Variants in DICER1 observed in about 807,000 individuals in gnomAD.
The protein encoded by DICER1 is dicer 1, ribonuclease III, also known as endoribonuclease Dicer.
A neutral mutation model predicts 194.1 loss-of-function variants in DICER1; 43 were observed. The observed-to-expected ratio is 0.22, with a 90% CI of 0.17 to 0.29. The LOEUF is 0.29. Ranked by LOEUF, DICER1 falls within the 10% of genes least tolerant of loss-of-function variation. The pLI is 1.00. For missense variants in DICER1, 1,608 were observed against 2,317.0 expected (o/e 0.69, Z 6.28); for synonymous variants, 832 against 820.5 (o/e 1.01, Z -0.24).
chr14:95,095,464 A>T, intron 23 of DICER1: 1 of 299,416 alleles, frequency 3.3e-6, no homozygotes, highest in East Asian at 8.0e-5. Flanking sequence ...TCCAGAATAT[A>T]CAACTAAATC....
At chr14:95,127,373 A>C (rs1893564543) in intron 6 of DICER1, among the ~76,000 whole-genome samples, 1 of 152,248 alleles carries the variant, frequency 6.6e-6, no homozygotes, top group African/African-American at 2.4e-5. Flanking sequence ...GTTTATCTGC[A>C]CAGGTTGAGT....
At position 95,130,282 on chromosome 14, in the gene DICER1, A is replaced by C. The variant is rs117349874; in HGVS notation, c.439-90T>G. The stretch of plus-strand genomic sequence containing the variant: ...TCAGATCATAGAGCCATTGTATCAT[A>C]AGTGAGGATTAAGGAATTCATTAGT... On this transcript the variant is annotated intron_variant, in intron 4 of 26. Transcript: ENST00000343455. 5.2e-3 allele frequency: 6,692 copies of C among 1,290,196 alleles called. 15 individuals are homozygous for C. Among genetic ancestry groups the C allele is most frequent in the Middle Eastern group, 6.6e-3 (28 of 4,212 alleles). 79.9% of individuals were successfully genotyped at this position (1,290,196 alleles called of 1,614,324 possible).
chr14:95,124,369 A>G lies in DICER1; in HGVS notation c.1203T>C (p.Tyr401=). The stretch of plus-strand genomic sequence containing the variant: ...CATAATTATCCTGATTTCTATTATT[A>G]TACCACTCAACGCTTTCAAACTGCT... ...ERQQFESVEW[Y]NNRNQDNYVS... Residue 401 remains tyrosine (Y), a synonymous_variant, in exon 8 of 27, where the codon TAT becomes TAC. Coordinates refer to ENST00000343455, the MANE Select transcript of DICER1 (RefSeq NM_177438.3). The surrounding 1 kb of genome is among the most constrained non-coding windows in gnomAD (Gnocchi z 4.5). The G allele has an allele frequency of 6.2e-7, 1 of 1,614,174 alleles. No homozygotes were observed. Among genetic ancestry groups the G allele is most frequent in the Non-Finnish European group, 8.5e-7 (1 of 1,179,990 alleles).
chr14:95,091,911 G>A (rs967104957), intron 24 of DICER1, among the ~76,000 whole-genome samples: 4 of 152,198 alleles, frequency 2.6e-5, no homozygotes, highest in Non-Finnish European at 4.4e-5. Context: ...CACTATAACC[G>A]AGTATCTGAC....
Position 95,087,560 on chromosome 14 carries a change from A to G in DICER1, c.*2938T>C, listed in dbSNP as rs1368892153. ...CACATTTTTTTCCTCTCTGTTAAGCATATTTTCTTGAAATGAGGTAAAGCA... is the reference window on the plus strand; with the variant it reads ...CACATTTTTTTCCTCTCTGTTAAGCGTATTTTCTTGAAATGAGGTAAAGCA... On this transcript the variant is annotated 3_prime_UTR_variant, in exon 27 of 27. Coordinates refer to ENST00000343455, the MANE Select transcript of DICER1 (RefSeq NM_177438.3). 1.7e-5 allele frequency: 4 copies of G among 233,100 alleles called. No individual in the cohort carries two copies. Among genetic ancestry groups the G allele is most frequent in the Non-Finnish European group, 3.4e-5 (4 of 118,042 alleles). The allele number at this position is 233,100 out of a possible 1,614,324, so 14.4% of individuals were successfully genotyped here.
chr14:95,136,318 T>A (rs1894367803), intron 1 of DICER1, among the ~76,000 whole-genome samples: 1 of 152,214 alleles, frequency 6.6e-6, no homozygotes, highest in Non-Finnish European at 1.5e-5. Flanking sequence ...GTAATAGCCA[T>A]GCTCAACTCA....
At chr14:95,114,573 G>T (rs920403584) in intron 11 of DICER1, among the ~76,000 whole-genome samples, 2 of 152,140 alleles carry the variant, frequency 1.3e-5, no homozygotes. Context: ...AAATATCAAA[G>T]AATGCTTACA....
chr14:95,092,239 A>G (rs993208360), intron 24 of DICER1, among the ~76,000 whole-genome samples: 115 of 152,344 alleles, frequency 7.5e-4, no homozygotes, highest in African/African-American at 2.7e-3. Context: ...AGTATCCTAT[A>G]CATAACAGAA....
At chr14:95,128,301 ATCAGTT>A (rs1400810766) in intron 6 of DICER1, among the ~76,000 whole-genome samples, 1 of 152,218 alleles carries the variant, frequency 6.6e-6, no homozygotes, top group East Asian at 1.9e-4. Context: ...CAGATTGCTT[ATCAGTT>A]TTACTTAAAC....
At chr14:95,091,570 G>C (rs980004073) in intron 24 of DICER1, 3 of 561,660 alleles carry the variant, frequency 5.3e-6, no homozygotes, top group Non-Finnish European at 9.3e-6. Flanking sequence ...AAGAAAAAAA[G>C]AAAAAATATC....
At chr14:95,126,475 T>C (rs1893467995) in intron 7 of DICER1, 105 bp downstream of exon 7, 2 of 758,040 alleles carry the variant, frequency 2.6e-6, no homozygotes, top group Non-Finnish European at 4.3e-6. Context: ...GACCTTAAAC[T>C]AAAATGCAAA....
chr14:95,145,835 T>C (rs1335991755), intron 1 of DICER1, among the ~76,000 whole-genome samples: 1 of 152,186 alleles, frequency 6.6e-6, no homozygotes, highest in Non-Finnish European at 1.5e-5. Context: ...GAACTTTACA[T>C]TTCTGTCATT....
At chr14:95,094,544 C>CG (rs1364947966) in intron 23 of DICER1, among the ~76,000 whole-genome samples, 1 of 152,138 alleles carries the variant, frequency 6.6e-6, no homozygotes, top group Non-Finnish European at 1.5e-5. Context: ...AAACCAGGGC[C>CG]GCACACACCT....
At chr14:95,143,222 G>C (rs537438573) in intron 1 of DICER1, among the ~76,000 whole-genome samples, 23 of 152,278 alleles carry the variant, frequency 1.5e-4, no homozygotes, top group Admixed American at 7.2e-4. Flanking sequence ...TGAGATACAA[G>C]GCATTATTTT....
intron 6 of DICER1, among the ~76,000 whole-genome samples, chr14:95,127,890 G>A (rs1388152733): frequency 1.3e-5 from 2 of 152,212 alleles, no homozygotes; most frequent in South Asian, 2.1e-4. Flanking sequence ...GAACAAGGGT[G>A]TTCAAAATAC....
intron 1 of DICER1, among the ~76,000 whole-genome samples, chr14:95,153,091 C>G (rs1283378708): frequency 2.0e-5 from 3 of 152,078 alleles, no homozygotes; most frequent in Non-Finnish European, 4.4e-5. Flanking sequence ...GTGGCGGGCA[C>G]CTGTAGTCCC....
rs1889670819 is a variant in DICER1, at chr14:95,090,258, A to T, written c.*240T>A. The T allele has an allele frequency of 3.6e-6, 2 of 554,264 alleles. No homozygotes were observed. The highest frequency in any genetic ancestry group is 6.4e-6 in the Non-Finnish European group (2 of 311,558). The allele number at this position is 554,264 out of a possible 1,614,324, so 34.3% of individuals were successfully genotyped here. Reference sequence around the variant, plus strand: ...CACTCTTGTGATTTAAACAAAGCAGAAGTGAGGAAAGAAGATAAGATTGTG... The same window carrying T: ...CACTCTTGTGATTTAAACAAAGCAGTAGTGAGGAAAGAAGATAAGATTGTG... On this transcript the variant is annotated 3_prime_UTR_variant, in exon 27 of 27. Coordinates refer to ENST00000343455, the MANE Select transcript of DICER1 (RefSeq NM_177438.3).
intron 24 of DICER1, among the ~76,000 whole-genome samples, chr14:95,092,120 T>G (rs1443232424): frequency 6.6e-6 from 1 of 152,172 alleles, no homozygotes; most frequent in African/African-American, 2.4e-5. Context: ...AAGAAGCGTT[T>G]AAATCAATCA....
At position 95,091,448 on chromosome 14, in the gene DICER1, T is replaced by C. The variant is rs191304237; in HGVS notation, c.5365-83A>G. 5.6e-3 allele frequency: 7,439 copies of C among 1,325,988 alleles called. 472 individuals are homozygous for C. In the Admixed American group the frequency reaches 0.12, roughly 21 times the overall value. 82.1% of individuals were successfully genotyped at this position (1,325,988 alleles called of 1,614,324 possible). A position where few individuals can be genotyped will look rare whatever the true frequency, so the allele number is the denominator to read the frequency against. On this transcript the variant is annotated intron_variant, in intron 24 of 26. Transcript: ENST00000343455. ...CAGATGTAGTTTCTTTTCTTGGATATATGACTTTTGTTACTTCTTTAGTAA... is the reference window on the plus strand; with the variant it reads ...CAGATGTAGTTTCTTTTCTTGGATACATGACTTTTGTTACTTCTTTAGTAA...
Sources: gnomAD v4.1 joint callset for allele counts (sites outside exome capture counted in the v4.1 genomes callset) on GRCh38, gnomAD v4.1.1 for gene constraint, Gnocchi (gnomAD v3.1) non-coding constraint, MANE v1.5 for transcripts, NCBI Gene and HGNC (gene_info 2026-07-23, HGNC 2026-07-21) for gene names.